PDCL3: variants seen among roughly 807,000 people sequenced by gnomAD.
PDCL3 encodes phosducin-like protein 3.
Under a neutral mutation model 26.5 loss-of-function variants are expected in PDCL3, and 22 were observed. The ratio of observed to expected loss-of-function variants is 0.83; its 90% CI spans 0.59 to 1.19. The LOEUF (loss-of-function observed/expected upper bound fraction) is 1.19. Ranked by LOEUF, PDCL3 falls within the 50% of genes most tolerant of loss-of-function variation. The pLI is 0.00. For missense variants in PDCL3, 246 were observed against 294.1 expected (o/e 0.84, Z 1.20); for synonymous variants, 81 against 104.9 (o/e 0.77, Z 1.39).
chr2:100,576,721 C>T lies in PDCL3; in HGVS notation c.*225C>T. The T allele has an allele frequency of 2.5e-6, 1 of 398,056 alleles. No homozygotes were observed. Among genetic ancestry groups the T allele is most frequent in the Non-Finnish European group, 4.2e-6 (1 of 239,192 alleles). The allele number at this position is 398,056 out of a possible 1,614,324, so 24.7% of individuals were successfully genotyped here. On this transcript the variant is annotated 3_prime_UTR_variant, in exon 6 of 6. Transcript: ENST00000264254. ...TCCTCTAAAAAAAATTAAAACCAGC[C>T]ATTTGTATGGCAAATGTCTGTTTTC... is the stretch of plus-strand genomic sequence containing the variant.
intron 5 of PDCL3, among the ~76,000 whole-genome samples, chr2:100,573,147 T>C (rs1393444666): frequency 6.6e-6 from 1 of 151,908 alleles, no homozygotes. Context: ...CCTCCCAAAG[T>C]GCTGAGATTA....
intron 5 of PDCL3, among the ~76,000 whole-genome samples, chr2:100,573,878 TA>T (rs35731401): frequency 2.0e-5 from 3 of 151,828 alleles, no homozygotes; most frequent in Admixed American, 2.0e-4. Flanking sequence ...TTTTTATTTC[TA>T]AAAAAAAGTC....
At chr2:100,563,328 G>C (rs1395971326) in intron 1 of PDCL3, 3 of 470,752 alleles carry the variant, frequency 6.4e-6, no homozygotes, top group Non-Finnish European at 1.1e-5. Flanking sequence ...TCTTCTCGCG[G>C]TCTCTACCCA....
At position 100,576,604 on chromosome 2, in the gene PDCL3, TTA is replaced by T. The variant is rs1164912960; in HGVS notation, c.*110_*111del. The T allele has an allele frequency of 8.7e-7, 1 of 1,155,778 alleles. No homozygotes were observed. The highest frequency in any genetic ancestry group is 1.1e-6 in the Non-Finnish European group (1 of 891,252). The allele number at this position is 1,155,778 out of a possible 1,614,324, so 71.6% of individuals were successfully genotyped here. ...CTTGTGGTTTTTAGTTTTGTATAAATTATGTTTCAAATCTTTACATTTTGGAA... is the reference window on the plus strand; with the variant it reads ...CTTGTGGTTTTTAGTTTTGTATAAATTGTTTCAAATCTTTACATTTTGGAA... On this transcript the variant is annotated 3_prime_UTR_variant, in exon 6 of 6. Transcript: ENST00000264254.
rs183470470 is a variant in PDCL3 at position 100,576,398 on chromosome 2, C to G, written c.622C>G (p.Leu208Val). Residue 208 changes from leucine to valine, a missense_variant, in exon 6 of 6, where the codon CTG becomes GTG. Leu to Val is a conservative substitution (Grantham distance 32, BLOSUM62 1). Transcript: ENST00000264254. ...LSESGAIMTD[L>V]EENPKKPIED... ...TGAATCTGGAGCAATTATGACAGACCTGGAGGAAAACCCTAAGAAGCCGAT... is the reference window on the plus strand; with the variant it reads ...TGAATCTGGAGCAATTATGACAGACGTGGAGGAAAACCCTAAGAAGCCGAT... 6.8e-6 allele frequency: 11 copies of G among 1,613,926 alleles called. No homozygotes were observed. The East Asian group carries it at 2.5e-4, about 36-fold the overall frequency.
chr2:100,574,606 G>A (rs1023259428), intron 5 of PDCL3, among the ~76,000 whole-genome samples: 1 of 152,180 alleles, frequency 6.6e-6, no homozygotes, highest in African/African-American at 2.4e-5. Flanking sequence ...ACTGTGGTGA[G>A]AATCCTTAAG....
intron 5 of PDCL3, among the ~76,000 whole-genome samples, chr2:100,574,612 T>G (rs937260970): frequency 1.5e-4 from 23 of 152,208 alleles, no homozygotes; most frequent in Non-Finnish European, 2.5e-4. Flanking sequence ...GTGAGAATCC[T>G]TAAGATCTAC....
intron 5 of PDCL3, among the ~76,000 whole-genome samples, chr2:100,572,743 T>A (rs1394563786): frequency 6.6e-6 from 1 of 151,116 alleles, no homozygotes; most frequent in Non-Finnish European, 1.5e-5. Flanking sequence ...GGTCTCAAAC[T>A]CCTGACCTCA....
intron 4 of PDCL3, among the ~76,000 whole-genome samples, chr2:100,571,114 C>CAAAGAAAAAAAA (rs1675159255): frequency 9.2e-6 from 1 of 109,080 alleles, no homozygotes; most frequent in African/African-American, 3.4e-5. Flanking sequence ...CCTGTCTTTA[C>CAAAGAAAAAAAA]AAAAAAAAAA....
At chr2:100,568,361 AG>A (rs1412644667) in intron 2 of PDCL3, among the ~76,000 whole-genome samples, 1 of 119,802 alleles carries the variant, frequency 8.3e-6, no homozygotes, top group Non-Finnish European at 1.7e-5. Flanking sequence ...GTTCAACAGT[AG>A]GGCGGCTGGC....
chr2:100,573,431 TG>T (rs1254122627), intron 5 of PDCL3, among the ~76,000 whole-genome samples: 1 of 151,936 alleles, frequency 6.6e-6, no homozygotes, highest in Non-Finnish European at 1.5e-5. Context: ...CCCAGCACTT[TG>T]GGAGGCCAAG....
At chr2:100,563,921 T>G (rs1304165876) in intron 1 of PDCL3, among the ~76,000 whole-genome samples, 1 of 151,054 alleles carries the variant, frequency 6.6e-6, no homozygotes, top group Non-Finnish European at 1.5e-5. Flanking sequence ...CACTGTTTTT[T>G]TTTTTTTTGA....
At position 100,573,444 on chromosome 2, in the gene PDCL3, C is replaced by T. The variant is rs144648184; in HGVS notation, c.577+1646C>T. Among the ~76,000 whole-genome samples, 1,335 of 151,950 alleles carry T rather than the reference C, an allele frequency of 8.8e-3. 18 individuals are homozygous for T. The highest frequency in any genetic ancestry group is 0.029 in the African/African-American group (1,213 of 41,484). ...ATCCCAGCACTTTGGGAGGCCAAGG[C>T]GGGTGGATTGCCTGAGGTCAGGAGT... On this transcript the variant is annotated intron_variant, in intron 5 of 5. Coordinates refer to ENST00000264254, the MANE Select transcript of PDCL3 (RefSeq NM_024065.5).
intron 5 of PDCL3, among the ~76,000 whole-genome samples, chr2:100,574,083 A>T (rs191536372): frequency 8.2e-4 from 125 of 152,198 alleles, no homozygotes; most frequent in African/African-American, 2.9e-3. Flanking sequence ...GGCTCACTCC[A>T]GCCTCAGCCT....
At chr2:100,566,031 G>A (rs1201056157) in intron 1 of PDCL3, among the ~76,000 whole-genome samples, 2 of 152,022 alleles carry the variant, frequency 1.3e-5, no homozygotes, top group Non-Finnish European at 2.9e-5. Context: ...AGCCTCCCAA[G>A]TAGCTGGGAC....
At chr2:100,566,162 C>G (rs980982598) in intron 1 of PDCL3, among the ~76,000 whole-genome samples, 4 of 152,132 alleles carry the variant, frequency 2.6e-5, no homozygotes, top group Non-Finnish European at 4.4e-5. Context: ...CTCAGCCTCC[C>G]AAAGTGCTGG....
intron 1 of PDCL3, 156 bp downstream of exon 1, chr2:100,563,229 G>A: frequency 1.1e-6 from 1 of 937,154 alleles, no homozygotes; most frequent in South Asian, 2.0e-5. Flanking sequence ...CGCAGTGCGG[G>A]AGGCGGGCGT....
intron 5 of PDCL3, 172 bp downstream of exon 5, chr2:100,571,970 G>A (rs968206654): frequency 3.1e-6 from 2 of 638,428 alleles, no homozygotes; most frequent in African/African-American, 3.7e-5. Context: ...ATCAGGAACA[G>A]TTACAACTGG....
At chr2:100,576,213 AT>A in intron 5 of PDCL3, 140 bp from the exon 6 acceptor site, 1 of 846,124 alleles carries the variant, frequency 1.2e-6, no homozygotes. Context: ...AAGTGTTGGG[AT>A]TACAGGCGTG....
Sources: allele counts gnomAD v4.1 joint callset (sites outside exome capture counted in the v4.1 genomes callset), GRCh38; gene constraint gnomAD v4.1.1; transcripts MANE v1.5; gene names NCBI Gene and HGNC (gene_info 2026-07-23, HGNC 2026-07-21).